The following NSD2 variants were observed in gnomAD, a reference collection of about 807,000 sequenced individuals.
NSD2 encodes the protein histone-lysine N-methyltransferase NSD2.
NSD2 carries 12 observed loss-of-function variants against 139.0 expected under a neutral mutation model. The ratio of observed to expected loss-of-function variants is 0.09; its 90% CI spans 0.06 to 0.14. The LOEUF (loss-of-function observed/expected upper bound fraction) is 0.14, where lower values mean the gene tolerates loss of function less well. NSD2 is among the 10% of genes least tolerant of loss of function. NSD2 has a pLI of 1.00. For synonymous variants in NSD2, 669 were observed against 648.7 expected (o/e 1.03, Z -0.48); for missense variants, 1,155 against 1,745.0 (o/e 0.66, Z 6.02).
At chr4:1,953,027 C>T in intron 11 of NSD2, 2 of 1,442,596 alleles carry the variant, frequency 1.4e-6, no homozygotes, top group Non-Finnish European at 9.0e-7. Flanking sequence ...TTCATAGGAG[C>T]CCCTTCTTTC....
intron 3 of NSD2, among the ~76,000 whole-genome samples, chr4:1,916,289 G>C (rs1007434784): frequency 1.3e-5 from 2 of 152,138 alleles, no homozygotes; most frequent in Non-Finnish European, 2.9e-5. Context: ...CTTTTTAAGA[G>C]GGAATAAAGG....
chr4:1,947,294 T>C lies in NSD2; in HGVS notation c.1882-3778T>C, dbSNP rs920576256. 4.7e-6 allele frequency: 5 copies of C among 1,062,312 alleles called. No homozygotes were observed. In the African/African-American group the frequency reaches 8.2e-5, roughly 17 times the overall value. 65.8% of individuals were successfully genotyped at this position (1,062,312 alleles called of 1,614,324 possible). A position where few individuals can be genotyped will look rare whatever the true frequency, so the allele number is the denominator to read the frequency against. On this transcript the variant is annotated intron_variant, in intron 9 of 21. Transcript: ENST00000508803. ...CCTTGAATTGGGAGCAGCAGCCACC[T>C]GGCCTCACTCTGGCCACAGGTGACA...
chr4:1,927,851 A>T (rs1721142282), intron 5 of NSD2, among the ~76,000 whole-genome samples: 1 of 147,558 alleles, frequency 6.8e-6, no homozygotes, highest in Non-Finnish European at 1.5e-5. Context: ...CAGCTGTGGG[A>T]TTGTGGAAAT....
intron 1 of NSD2, among the ~76,000 whole-genome samples, chr4:1,884,475 C>T (rs968994267): frequency 6.6e-6 from 1 of 152,050 alleles, no homozygotes; most frequent in African/African-American, 2.4e-5. Context: ...CTCACTGCAA[C>T]CTCCAGCTCC....
At chr4:1,922,582 G>C (rs2108820215) in intron 5 of NSD2, among the ~76,000 whole-genome samples, 1 of 152,294 alleles carries the variant, frequency 6.6e-6, no homozygotes, top group East Asian at 1.9e-4. Context: ...TTTGAAGAGA[G>C]GCTTGGCCTG....
chr4:1,875,057 G>C (rs546514037), intron 1 of NSD2, among the ~76,000 whole-genome samples: 1 of 152,210 alleles, frequency 6.6e-6, no homozygotes, highest in East Asian at 1.9e-4. Flanking sequence ...GCACTCCTGG[G>C]CTCAAGCTTT....
intron 5 of NSD2, among the ~76,000 whole-genome samples, chr4:1,923,363 G>A (rs1720421711): frequency 6.6e-6 from 1 of 150,448 alleles, no homozygotes; most frequent in African/African-American, 2.4e-5. Context: ...GGACACCATC[G>A]ACACAGTGAA....
chr4:1,970,186 G>A (rs1294472633), intron 18 of NSD2, among the ~76,000 whole-genome samples: 1 of 152,188 alleles, frequency 6.6e-6, no homozygotes, highest in Non-Finnish European at 1.5e-5. Flanking sequence ...TAGGATTACT[G>A]GACGCAACCA....
chr4:1,978,139 A>G (rs927135076), intron 21 of NSD2, among the ~76,000 whole-genome samples: 3 of 152,216 alleles, frequency 2.0e-5, no homozygotes, highest in African/African-American at 7.2e-5. Flanking sequence ...AAAAAAAAGA[A>G]TTCAGATATT....
intron 1 of NSD2, among the ~76,000 whole-genome samples, chr4:1,888,872 T>C (rs1207238057): frequency 1.3e-5 from 2 of 151,190 alleles, no homozygotes; most frequent in African/African-American, 4.9e-5. Flanking sequence ...GGCTGCTTTA[T>C]TATTTTTGAG....
At chr4:1,945,406 G>A (rs1723520211) in intron 9 of NSD2, 5 of 1,064,784 alleles carry the variant, frequency 4.7e-6, no homozygotes, top group Non-Finnish European at 5.7e-6. Context: ...GTGTCCAGAG[G>A]TGTGTGTGAG....
intron 5 of NSD2, among the ~76,000 whole-genome samples, chr4:1,923,227 G>A (rs1227112090): frequency 2.0e-5 from 3 of 150,508 alleles, no homozygotes; most frequent in Non-Finnish European, 4.4e-5. Context: ...GGTGACTCAC[G>A]CCTGTAATCC....
intron 3 of NSD2, among the ~76,000 whole-genome samples, chr4:1,910,660 G>T (rs1035112934): frequency 2.0e-5 from 3 of 152,128 alleles, no homozygotes; most frequent in Admixed American, 6.5e-5. Flanking sequence ...TAAAAATATT[G>T]CAGGTAATCT....
At chr4:1,965,051 CAAAAAAAAA>C (rs555374240) in intron 18 of NSD2, among the ~76,000 whole-genome samples, 3 of 47,154 alleles carry the variant, frequency 6.4e-5, no homozygotes, top group African/African-American at 7.6e-5. Flanking sequence ...CAGTGTTCAG[CAAAAAAAAA>C]AAAAAAAAAA....
At chr4:1,896,625 C>T (rs975599316) in intron 1 of NSD2, among the ~76,000 whole-genome samples, 1 of 152,210 alleles carries the variant, frequency 6.6e-6, no homozygotes, top group African/African-American at 2.4e-5. Flanking sequence ...TTTGGCCTCC[C>T]AAAGTGCTAG....
intron 1 of NSD2, among the ~76,000 whole-genome samples, chr4:1,894,677 A>T (rs979728648): frequency 2.0e-5 from 3 of 150,716 alleles, no homozygotes; most frequent in African/African-American, 4.9e-5. Flanking sequence ...GTCTCAATAA[A>T]AAAAAAAAAA....
chr4:1,925,416 T>TTTTTTGATTGG (rs1720751066), intron 5 of NSD2, among the ~76,000 whole-genome samples: 1 of 98,608 alleles, frequency 1.0e-5, no homozygotes, highest in African/African-American at 3.9e-5. Flanking sequence ...TTTTTTTTTT[T>TTTTTTGATTGG]GAGATGGAGT....
chr4:1,950,519 G>A (rs889988064), intron 9 of NSD2, among the ~76,000 whole-genome samples: 4 of 152,170 alleles, frequency 2.6e-5, no homozygotes, highest in Non-Finnish European at 5.9e-5. Flanking sequence ...GTGTGAGTCC[G>A]GAAGACTCTC....
intron 9 of NSD2, among the ~76,000 whole-genome samples, chr4:1,950,062 C>T (rs1267437965): frequency 7.2e-5 from 11 of 152,224 alleles, no homozygotes; most frequent in Admixed American, 7.2e-4. Context: ...TGCTTTTGCT[C>T]TGTTTCATCT....
Sources: allele counts gnomAD v4.1 joint callset (sites outside exome capture counted in the v4.1 genomes callset), GRCh38; gene constraint gnomAD v4.1.1; transcripts MANE v1.5; gene names NCBI Gene and HGNC (gene_info 2026-07-23, HGNC 2026-07-21).